The following FSHR variants were observed in gnomAD, a reference collection of about 807,000 sequenced individuals.
FSHR encodes the protein follicle stimulating hormone receptor, also known as follicle-stimulating hormone receptor.
A neutral mutation model predicts 52.1 loss-of-function variants in FSHR; 46 were observed. The ratio of observed to expected loss-of-function variants is 0.88; its 90% CI spans 0.70 to 1.13. The LOEUF (loss-of-function observed/expected upper bound fraction) is 1.13, where lower values mean the gene tolerates loss of function less well. FSHR is among the 50% of genes most tolerant of loss of function. The pLI, the probability that FSHR is intolerant of heterozygous loss-of-function variation, is 0.00. For synonymous variants in FSHR, 399 were observed against 309.6 expected (o/e 1.29, Z -3.03); for missense variants, 964 against 834.6 (o/e 1.16, Z -1.91).
chr2:48,964,993 C>CA lies in FSHR; in HGVS notation c.855-1028dup, dbSNP rs200122416. The stretch of plus-strand genomic sequence containing the variant: ...CCTTACGTTAGGACCTTTTTGGATG[C>CA]AAAAAAAAAAAAAAAATTGTACATA... On this transcript the variant is annotated intron_variant, in intron 9 of 9. Transcript: ENST00000406846. 3.8e-3 allele frequency among the ~76,000 whole-genome samples: 548 copies of CA among 142,804 alleles called. 1 individual carries two copies. The highest frequency in any genetic ancestry group is 0.016 in the East Asian group (77 of 4,928). 93.7% of individuals were successfully genotyped at this position (142,804 alleles called of 152,430 possible).
intron 1 of FSHR, among the ~76,000 whole-genome samples, chr2:49,071,510 A>G (rs548197289): frequency 6.6e-6 from 1 of 152,326 alleles, no homozygotes; most frequent in South Asian, 2.1e-4. Flanking sequence ...GAAAAAGAAT[A>G]TCTTTAAAGG....
chr2:49,041,764 T>A (rs1157696262), intron 2 of FSHR, among the ~76,000 whole-genome samples: 2 of 151,866 alleles, frequency 1.3e-5, no homozygotes, highest in African/African-American at 4.8e-5. Flanking sequence ...CTTAGGGAAC[T>A]TCCTTCCTTT....
chr2:49,043,217 G>T (rs1364040003), intron 2 of FSHR, among the ~76,000 whole-genome samples: 3 of 151,560 alleles, frequency 2.0e-5, no homozygotes, highest in Non-Finnish European at 4.4e-5. Context: ...AGAGCTAAGA[G>T]CTCTGGTTGC....
intron 1 of FSHR, among the ~76,000 whole-genome samples, chr2:49,072,654 T>A (rs1669779948): frequency 6.6e-6 from 1 of 152,158 alleles, no homozygotes; most frequent in Non-Finnish European, 1.5e-5. Context: ...CATTATAATT[T>A]CATATTAGAT....
rs543635568 is a variant in FSHR at position 49,081,449 on chromosome 2, C to T, written c.153-13159G>A. On this transcript the variant is annotated intron_variant, in intron 1 of 9. Transcript: ENST00000406846. The stretch of plus-strand genomic sequence containing the variant: ...ATTATAATATTCTCTATACTTCATG[C>T]TTGAAATATTTCATAATTAATTTTC... 3.3e-3 allele frequency among the ~76,000 whole-genome samples: 498 copies of T among 152,214 alleles called. 3 individuals are homozygous for T. Among genetic ancestry groups the T allele is most frequent in the African/African-American group, 0.011 (472 of 41,540 alleles).
chr2:49,031,439 C>T (rs567404712), intron 2 of FSHR, among the ~76,000 whole-genome samples: 16 of 152,234 alleles, frequency 1.1e-4, no homozygotes, highest in African/African-American at 3.9e-4. Context: ...TCAGCTATCT[C>T]CTAGATTTAT....
At chr2:48,991,355 A>ACTAC (rs1218977207) in intron 4 of FSHR, among the ~76,000 whole-genome samples, 1 of 152,202 alleles carries the variant, frequency 6.6e-6, no homozygotes, top group African/African-American at 2.4e-5. Context: ...GCTAAGCAAT[A>ACTAC]CTACCACTAC....
At chr2:49,123,120 T>C (rs1165410997) in intron 1 of FSHR, among the ~76,000 whole-genome samples, 1 of 152,202 alleles carries the variant, frequency 6.6e-6, no homozygotes, top group East Asian at 1.9e-4. Flanking sequence ...CTGAGTCATA[T>C]AGAGTCTATT....
intron 1 of FSHR, among the ~76,000 whole-genome samples, chr2:49,079,804 A>G (rs1471622767): frequency 6.6e-6 from 1 of 152,168 alleles, no homozygotes; most frequent in Non-Finnish European, 1.5e-5. Flanking sequence ...ATGTCTGTTC[A>G]GAAGACTTTT....
At chr2:49,085,589 T>G (rs1670351199) in intron 1 of FSHR, among the ~76,000 whole-genome samples, 1 of 152,194 alleles carries the variant, frequency 6.6e-6, no homozygotes, top group Non-Finnish European at 1.5e-5. Context: ...AGAAATACCA[T>G]TTGACCCAGC....
At chr2:48,989,269 G>C (rs1361045608) in intron 5 of FSHR, among the ~76,000 whole-genome samples, 1 of 118,792 alleles carries the variant, frequency 8.4e-6, no homozygotes. Context: ...CAGACATTCA[G>C]TGTCTTTTTT....
At chr2:49,021,882 TATATAGAGAGAGAGAGAGAGAGAGAG>T (rs1211831895) in intron 2 of FSHR, among the ~76,000 whole-genome samples, 14 of 43,924 alleles carry the variant, frequency 3.2e-4, no homozygotes, top group African/African-American at 1.1e-3. Flanking sequence ...TATATATATA[TATATAGAGAGAGAGAGAGAGAGAGAG>T]AGAGAGAGAG....
chr2:49,064,498 C>G (rs915206265), intron 2 of FSHR, among the ~76,000 whole-genome samples: 2 of 152,060 alleles, frequency 1.3e-5, no homozygotes, highest in Non-Finnish European at 2.9e-5. Flanking sequence ...GCTAGAAAGC[C>G]CTCACCAGAT....
At chr2:49,052,144 G>A (rs568121675) in intron 2 of FSHR, among the ~76,000 whole-genome samples, 1 of 152,244 alleles carries the variant, frequency 6.6e-6, no homozygotes, top group East Asian at 1.9e-4. Flanking sequence ...CAAAATTTGT[G>A]TGTATGGACA....
chr2:49,054,209 G>C (rs1668971667), intron 2 of FSHR, among the ~76,000 whole-genome samples: 2 of 152,156 alleles, frequency 1.3e-5, no homozygotes, highest in East Asian at 3.9e-4. Context: ...GATGAAAAAG[G>C]GTTGAATGTA....
intron 4 of FSHR, chr2:49,015,057 A>C (rs1667431037): frequency 3.3e-6 from 1 of 305,848 alleles, no homozygotes; most frequent in South Asian, 3.1e-5. Context: ...GTTTTTATAT[A>C]AAAACAATTT....
chr2:48,983,490 C>A (rs973064249), intron 6 of FSHR, among the ~76,000 whole-genome samples: 11 of 152,142 alleles, frequency 7.2e-5, no homozygotes, highest in Admixed American at 6.5e-4. Context: ...TGTAGAGAAG[C>A]AATGCGGGGA....
chr2:49,014,615 T>G (rs1020610476), intron 4 of FSHR: 3 of 257,846 alleles, frequency 1.2e-5, no homozygotes, highest in African/African-American at 6.9e-5. Flanking sequence ...TGGTGCTGGC[T>G]GCAAGATGTG....
At chr2:48,978,890 G>C (rs975650418) in intron 8 of FSHR, among the ~76,000 whole-genome samples, 1 of 152,166 alleles carries the variant, frequency 6.6e-6, no homozygotes. Flanking sequence ...ATCAGTTTGA[G>C]TGTGTGCCCC....
Sources: gnomAD v4.1 joint callset for allele counts (sites outside exome capture counted in the v4.1 genomes callset) on GRCh38, gnomAD v4.1.1 for gene constraint, MANE v1.5 for transcripts, NCBI Gene and HGNC (gene_info 2026-07-23, HGNC 2026-07-21) for gene names.